Variants in ANKS1B observed in about 807,000 individuals in gnomAD.
ANKS1B encodes the protein ankyrin repeat and sterile alpha motif domain containing 1B.
Under a neutral mutation model 148.3 loss-of-function variants are expected in ANKS1B, and 36 were observed. The observed-to-expected ratio is 0.24, with a 90% confidence interval of 0.19 to 0.32. The LOEUF (loss-of-function observed/expected upper bound fraction) is 0.32, where lower values mean the gene tolerates loss of function less well. Among genes scored for constraint, ANKS1B ranks in the 10% least tolerant of loss-of-function variants. ANKS1B has a pLI of 1.00. For synonymous variants in ANKS1B, 542 were observed against 560.8 expected (o/e 0.97, Z 0.47); for missense variants, 1,157 against 1,542.6 (o/e 0.75, Z 4.19).
chr12:99,111,996 G>A (rs2060381704), intron 15 of ANKS1B, among the ~76,000 whole-genome samples: 1 of 152,150 alleles, frequency 6.6e-6, no homozygotes, highest in Non-Finnish European at 1.5e-5. Flanking sequence ...GTTCACAAAG[G>A]TTAGCGTTTT....
At chr12:99,131,917 C>G (rs1216436678) in intron 15 of ANKS1B, among the ~76,000 whole-genome samples, 2 of 152,148 alleles carry the variant, frequency 1.3e-5, no homozygotes, top group African/African-American at 2.4e-5. Context: ...CTCCTGATCC[C>G]TCGGAGGGAG....
At chr12:99,411,389 T>C (rs966190567) in intron 11 of ANKS1B, among the ~76,000 whole-genome samples, 2 of 152,240 alleles carry the variant, frequency 1.3e-5, no homozygotes, top group Non-Finnish European at 2.9e-5. Flanking sequence ...GATTTCATTC[T>C]TCTTTATGGC....
At chr12:99,512,732 T>C (rs756410145) in intron 9 of ANKS1B, among the ~76,000 whole-genome samples, 1 of 152,002 alleles carries the variant, frequency 6.6e-6, no homozygotes, top group Non-Finnish European at 1.5e-5. Flanking sequence ...TAAAAGGGAA[T>C]GAGATCATGT....
intron 14 of ANKS1B, among the ~76,000 whole-genome samples, chr12:99,192,850 T>C (rs1366692813): frequency 2.0e-5 from 3 of 152,190 alleles, no homozygotes; most frequent in Non-Finnish European, 4.4e-5. Context: ...TTTTTAATAT[T>C]CAATATAATA....
chr12:99,471,328 T>A (rs747263102), intron 10 of ANKS1B, among the ~76,000 whole-genome samples: 83 of 151,982 alleles, frequency 5.5e-4, no homozygotes, highest in Non-Finnish European at 9.4e-4. Context: ...TCATATATAT[T>A]TATGAGTCCA....
intron 12 of ANKS1B, among the ~76,000 whole-genome samples, chr12:99,389,393 A>G (rs1163484806): frequency 6.6e-6 from 1 of 152,232 alleles, no homozygotes; most frequent in East Asian, 1.9e-4. Flanking sequence ...AAGGACTTGT[A>G]GTTTGAAAAC....
rs141244172 is a variant in ANKS1B at position 99,143,049 on chromosome 12, C to A, written c.2526+11240G>T. 1.9e-3 allele frequency among the ~76,000 whole-genome samples: 287 copies of A among 152,216 alleles called. 1 individual carries two copies. The highest frequency in any genetic ancestry group is 3.3e-3 in the South Asian group (16 of 4,826). On this transcript the variant is annotated intron_variant, in intron 15 of 26. Coordinates refer to ENST00000683438, the MANE Select transcript of ANKS1B (RefSeq NM_001352186.2). ...AAATAAACTTGAGATACATTTGTTT[C>A]TAGTCCTCAGATTTCAAGATCTCCC...
intron 10 of ANKS1B, among the ~76,000 whole-genome samples, chr12:99,494,973 T>C (rs1386494733): frequency 6.6e-6 from 1 of 152,070 alleles, no homozygotes; most frequent in African/African-American, 2.4e-5. Flanking sequence ...GTAAATTCTA[T>C]TTTCTTTATG....
intron 12 of ANKS1B, among the ~76,000 whole-genome samples, chr12:99,333,854 G>GTTTCTT (rs1555391373): frequency 1.9e-5 from 2 of 107,484 alleles, no homozygotes; most frequent in Non-Finnish European, 3.7e-5. Context: ...CCAGTTCTCA[G>GTTTCTT]TTTTTTTTTT....
intron 10 of ANKS1B, among the ~76,000 whole-genome samples, chr12:99,464,041 C>A (rs891475281): frequency 2.0e-5 from 3 of 152,190 alleles, no homozygotes; most frequent in Non-Finnish European, 2.9e-5. Context: ...GAGGCACCCC[C>A]CAGTAGGGGC....
intron 17 of ANKS1B, among the ~76,000 whole-genome samples, chr12:99,018,241 G>C (rs1311782047): frequency 6.6e-6 from 1 of 152,148 alleles, no homozygotes; most frequent in African/African-American, 2.4e-5. Context: ...CCTTGTGAAT[G>C]GAATTAATAT....
chr12:99,112,866 T>C (rs941953346), intron 15 of ANKS1B, among the ~76,000 whole-genome samples: 2 of 152,232 alleles, frequency 1.3e-5, no homozygotes, highest in African/African-American at 4.8e-5. Context: ...ATTCATTAAT[T>C]CATCAAACAT....
intron 4 of ANKS1B, among the ~76,000 whole-genome samples, chr12:99,786,172 T>C (rs2153638247): frequency 6.6e-6 from 1 of 152,342 alleles, no homozygotes; most frequent in South Asian, 2.1e-4. Flanking sequence ...TCCTTCCTGA[T>C]ATAGCATACT....
intron 26 of ANKS1B, among the ~76,000 whole-genome samples, chr12:98,746,677 G>A (rs748027355): frequency 7.2e-5 from 11 of 152,204 alleles, no homozygotes; most frequent in Admixed American, 2.0e-4. Flanking sequence ...TCTCCAAAAC[G>A]CAGAAAAGCT....
chr12:99,553,278 CTCATCATTAAACCCGG>C (rs2097241643), intron 9 of ANKS1B, among the ~76,000 whole-genome samples: 1 of 152,048 alleles, frequency 6.6e-6, no homozygotes, highest in Non-Finnish European at 1.5e-5. Context: ...TAGGATAGCC[CTCATCATTAAACCCGG>C]TTGGGGTTTG....
At chr12:99,527,404 T>C (rs116321522) in intron 9 of ANKS1B, among the ~76,000 whole-genome samples, 1,553 of 152,284 alleles carry the variant, frequency 0.01, 36 homozygotes, top group African/African-American at 0.036. Context: ...TAAATAAGTA[T>C]TGTTGCTGTA....
intron 9 of ANKS1B, among the ~76,000 whole-genome samples, chr12:99,576,739 T>G (rs2097523652): frequency 6.6e-6 from 1 of 152,106 alleles, no homozygotes; most frequent in Non-Finnish European, 1.5e-5. Context: ...AAAGTAGTTT[T>G]AAGAGGACAG....
In ANKS1B at chr12:99,816,010, C is replaced by T. The variant is rs1339401254; in HGVS notation, c.216-3699G>A. On this transcript the variant is annotated intron_variant, in intron 2 of 26. Coordinates refer to ENST00000683438, the MANE Select transcript of ANKS1B (RefSeq NM_001352186.2). ...TTCGGGTAGATACCCAGTAGTGGGA[C>T]TGACGGATCTAATGATAGATCTGCT... 2.0e-5 allele frequency among the ~76,000 whole-genome samples: 3 copies of T among 151,852 alleles called. No individual in the cohort carries two copies. In the South Asian group the frequency reaches 6.2e-4, roughly 31 times the overall value.
intron 1 of ANKS1B, among the ~76,000 whole-genome samples, chr12:99,923,786 T>C (rs2094422904): frequency 6.6e-6 from 1 of 152,098 alleles, no homozygotes; most frequent in South Asian, 2.1e-4. Flanking sequence ...TATTTATTCA[T>C]GTCTCCCTCC....
Sources: gnomAD v4.1 joint callset for allele counts (sites outside exome capture counted in the v4.1 genomes callset) on GRCh38, gnomAD v4.1.1 for gene constraint, MANE v1.5 for transcripts, NCBI Gene and HGNC (gene_info 2026-07-23, HGNC 2026-07-21) for gene names.